The following UBE2R2 variants were observed in gnomAD, a reference collection of about 807,000 sequenced individuals.
UBE2R2 encodes ubiquitin-conjugating enzyme E2 R2.
In UBE2R2, 1 loss-of-function variant was observed where a neutral mutation model predicts 27.8. That is an observed-to-expected ratio of 0.04 (90% CI 0.01 to 0.17). The LOEUF (loss-of-function observed/expected upper bound fraction) is 0.17, where lower values mean the gene tolerates loss of function less well. Ranked by LOEUF, UBE2R2 falls within the 10% of genes least tolerant of loss-of-function variation. The probability of loss-of-function intolerance (pLI) is 1.00; values close to 1 mark genes in which losing one functional copy is unlikely to be tolerated. For missense variants in UBE2R2, 100 were observed against 291.0 expected (o/e 0.34, Z 4.78); for synonymous variants, 106 against 113.3 (o/e 0.94, Z 0.41).
chr9:33,838,474 TC>T (rs1820662917), intron 1 of UBE2R2, among the ~76,000 whole-genome samples: 1 of 152,124 alleles, frequency 6.6e-6, no homozygotes, highest in African/African-American at 2.4e-5. Flanking sequence ...TGGTAAACTT[TC>T]CTGAGATGTT....
chr9:33,917,480 T>C lies in UBE2R2; in HGVS notation c.*243T>C. 1.7e-6 allele frequency: 1 copy of C among 581,914 alleles called. No homozygotes were observed. Among genetic ancestry groups the C allele is most frequent in the South Asian group, 2.7e-5 (1 of 37,188 alleles). The allele number at this position is 581,914 out of a possible 1,614,324, so 36.0% of individuals were successfully genotyped here. On this transcript the variant is annotated 3_prime_UTR_variant, in exon 5 of 5. Transcript: ENST00000263228. ...CATTCTTTACCCTTCCATCACTATA[T>C]TGATTCTTTTTTTAAAAAATATGAA...
chr9:33,823,308 G>T (rs979479001), intron 1 of UBE2R2, among the ~76,000 whole-genome samples: 1 of 152,098 alleles, frequency 6.6e-6, no homozygotes, highest in Non-Finnish European at 1.5e-5. Flanking sequence ...AAAGCACTGC[G>T]ATTATAGGTC....
intron 1 of UBE2R2, among the ~76,000 whole-genome samples, chr9:33,868,062 G>A (rs982647607): frequency 1.3e-5 from 2 of 152,192 alleles, no homozygotes; most frequent in Admixed American, 1.3e-4. Context: ...TTATTGAGCA[G>A]TGGGTGGCTC....
At chr9:33,831,890 A>G (rs1820492816) in intron 1 of UBE2R2, among the ~76,000 whole-genome samples, 1 of 151,738 alleles carries the variant, frequency 6.6e-6, no homozygotes, top group Non-Finnish European at 1.5e-5. Context: ...CAAACTCCCG[A>G]ACTCAGGTGA....
Position 33,824,282 on chromosome 9 carries a change from A to C in UBE2R2, c.177+6348A>C, listed in dbSNP as rs531189836. On this transcript the variant is annotated intron_variant, in intron 1 of 4. Transcript: ENST00000263228. ...CGAGGCGGGTGGATCACCTGATGTCAGGAGTTCAAGACCAGCCTGGCCAAC... is the reference window on the plus strand; with the variant it reads ...CGAGGCGGGTGGATCACCTGATGTCCGGAGTTCAAGACCAGCCTGGCCAAC... Among the ~76,000 whole-genome samples the C allele has an allele frequency of 4.6e-5, 7 of 151,390 alleles. No homozygotes were observed. In the East Asian group the frequency reaches 1.2e-3, roughly 25 times the overall value.
chr9:33,831,574 A>C (rs1187533407), intron 1 of UBE2R2, among the ~76,000 whole-genome samples: 1 of 151,912 alleles, frequency 6.6e-6, no homozygotes, highest in Non-Finnish European at 1.5e-5. Context: ...GCATCACCAC[A>C]CCTGGCTAAT....
intron 1 of UBE2R2, among the ~76,000 whole-genome samples, chr9:33,864,592 C>T (rs1821318125): frequency 6.6e-6 from 1 of 152,066 alleles, no homozygotes; most frequent in Non-Finnish European, 1.5e-5. Context: ...CTTTGTCGCC[C>T]AGGGTGGAGT....
At chr9:33,852,033 C>T (rs1312832284) in intron 1 of UBE2R2, among the ~76,000 whole-genome samples, 7 of 151,982 alleles carry the variant, frequency 4.6e-5, no homozygotes, top group East Asian at 1.9e-4. Flanking sequence ...TTAATTAGGC[C>T]GGGTGCAGTG....
chr9:33,834,956 TAAAC>T (rs1440744340), intron 1 of UBE2R2, among the ~76,000 whole-genome samples: 15 of 151,546 alleles, frequency 9.9e-5, no homozygotes, highest in Admixed American at 5.3e-4. Flanking sequence ...AAAATATTGA[TAAAC>T]AAATAGAAAA....
chr9:33,883,606 C>T (rs911027973), intron 1 of UBE2R2, among the ~76,000 whole-genome samples: 9 of 151,180 alleles, frequency 6.0e-5, no homozygotes, highest in African/African-American at 1.7e-4. Flanking sequence ...GTCCCAGCTA[C>T]TCAGGAGGCT....
At chr9:33,891,052 T>TTTGTTTTTTTTTTTTG (rs1821971393) in intron 2 of UBE2R2, among the ~76,000 whole-genome samples, 1 of 141,592 alleles carries the variant, frequency 7.1e-6, no homozygotes, top group Admixed American at 7.1e-5. Flanking sequence ...GTTGTGTTTT[T>TTTGTTTTTTTTTTTTG]TTGTTTTTTT....
intron 3 of UBE2R2, among the ~76,000 whole-genome samples, chr9:33,911,195 G>C (rs911483396): frequency 2.0e-5 from 3 of 151,644 alleles, no homozygotes; most frequent in South Asian, 2.1e-4. Context: ...GATCACCTGA[G>C]GTCAGGAGTT....
chr9:33,903,903 A>G (rs1226374317), intron 3 of UBE2R2, among the ~76,000 whole-genome samples: 1 of 152,238 alleles, frequency 6.6e-6, no homozygotes, highest in Non-Finnish European at 1.5e-5. Flanking sequence ...ACACAGCTCT[A>G]CAAGGTATTT....
Position 33,900,162 on chromosome 9 carries a change from T to G in UBE2R2, c.265-12T>G, listed in dbSNP as rs549832309. On this transcript the variant is annotated splice_polypyrimidine_tract_variant and intron_variant, in intron 2 of 4. Transcript: ENST00000263228. ...TTGAGTATTTACTGAATGTAATGTT[T>G]GTGTCTTGTAGAATGGAGATGTATG... The G allele has an allele frequency of 1.9e-6, 3 of 1,606,400 alleles. No homozygotes were observed. In the East Asian group the frequency reaches 6.7e-5, roughly 36 times the overall value.
At chr9:33,816,801 C>T (rs560475782), upstream of UBE2R2, among the ~76,000 whole-genome samples, 1 of 152,216 alleles carries the variant, frequency 6.6e-6, no homozygotes, top group Non-Finnish European at 1.5e-5. Context: ...GGGAGGGCCC[C>T]GAGAGCCGGG....
At chr9:33,863,891 G>A (rs560007428) in intron 1 of UBE2R2, among the ~76,000 whole-genome samples, 2 of 152,036 alleles carry the variant, frequency 1.3e-5, no homozygotes, top group South Asian at 4.2e-4. Context: ...TTTCATCATG[G>A]CTCACTGCAA....
intron 1 of UBE2R2, among the ~76,000 whole-genome samples, chr9:33,864,167 A>G (rs1182924313): frequency 6.6e-6 from 1 of 152,166 alleles, no homozygotes; most frequent in African/African-American, 2.4e-5. Flanking sequence ...ATATGTAAGT[A>G]TATGAGGTGT....
At chr9:33,903,744 T>C (rs574715423) in intron 3 of UBE2R2, among the ~76,000 whole-genome samples, 4 of 152,184 alleles carry the variant, frequency 2.6e-5, no homozygotes, top group Non-Finnish European at 5.9e-5. Context: ...TCATTTTGTT[T>C]CCTCACACTT....
intron 2 of UBE2R2, among the ~76,000 whole-genome samples, chr9:33,889,068 T>C (rs1050177699): frequency 6.6e-6 from 1 of 152,238 alleles, no homozygotes; most frequent in Non-Finnish European, 1.5e-5. Flanking sequence ...CAATAGTGAC[T>C]ACACTGTTCT....
Sources: allele counts gnomAD v4.1 joint callset (sites outside exome capture counted in the v4.1 genomes callset), GRCh38; gene constraint gnomAD v4.1.1; transcripts MANE v1.5; gene names NCBI Gene and HGNC (gene_info 2026-07-23, HGNC 2026-07-21).